API5: variants seen among roughly 807,000 people sequenced by gnomAD.
The protein encoded by API5 is apoptosis inhibitor 5.
Under a neutral mutation model 71.9 loss-of-function variants are expected in API5, and 6 were observed. The ratio of observed to expected loss-of-function variants is 0.08; its 90% CI spans 0.05 to 0.16. The LOEUF is 0.16. Among genes scored for constraint, API5 ranks in the 10% least tolerant of loss-of-function variants. The pLI is 1.00. For synonymous variants in API5, 189 were observed against 221.3 expected (o/e 0.85, Z 1.30); for missense variants, 332 against 612.8 (o/e 0.54, Z 4.84).
At chr11:43,322,513 G>C (rs1184160641) in intron 5 of API5, among the ~76,000 whole-genome samples, 1 of 152,010 alleles carries the variant, frequency 6.6e-6, no homozygotes, top group Non-Finnish European at 1.5e-5. Flanking sequence ...ACATCAAAAT[G>C]ACCTGTTGTC....
At chr11:43,322,167 C>G (rs1483550918) in intron 5 of API5, 31 bp downstream of exon 5, 18 of 1,565,352 alleles carry the variant, frequency 1.1e-5, no homozygotes, top group Non-Finnish European at 1.2e-5. Flanking sequence ...GGTGGAAATT[C>G]TCTAAAGCAA....
Position 43,335,879 on chromosome 11 carries a change from T to C in API5, c.1377T>C (p.Asp459=), listed in dbSNP as rs746135344. The change falls in exon 13 of 14, where the codon GAT becomes GAC. Residue 459 remains aspartate, a synonymous_variant. Coordinates refer to ENST00000531273, the MANE Select transcript of API5 (RefSeq NM_001142930.2). The part of the protein sequence containing the change: ...VEIGQKRASE[D]TTSGSPPKKS... The stretch of plus-strand genomic sequence containing the variant: ...ACAGGCAAAAGAGAGCCAGTGAAGA[T>C]ACAACTTCAGGTTCACCACCCAAGA... 14 of 1,611,174 alleles carry C rather than the reference T, an allele frequency of 8.7e-6. No homozygotes were observed. In the African/African-American group the frequency reaches 1.3e-4, roughly 15 times the overall value.
rs1854850629 is a variant in API5, at chr11:43,320,726, G to A, written c.232-95G>A. On this transcript the variant is annotated intron_variant, in intron 2 of 13. Coordinates refer to ENST00000531273, the MANE Select transcript of API5 (RefSeq NM_001142930.2). ...AACCTGGGCAACAGAGCAATACCTT[G>A]TCTTTAAAAAAAAAAAAAAGAAAGA... 7.3e-6 allele frequency: 8 copies of A among 1,088,680 alleles called. No individual in the cohort carries two copies. The South Asian group carries it at 8.5e-5, about 12-fold the overall frequency. The allele number at this position is 1,088,680 out of a possible 1,614,324, so 67.4% of individuals were successfully genotyped here.
intron 11 of API5, among the ~76,000 whole-genome samples, chr11:43,333,352 A>G (rs540726917): frequency 2.0e-4 from 30 of 152,316 alleles, no homozygotes; most frequent in African/African-American, 6.5e-4. Context: ...ATTTAGGTAT[A>G]AAGTGTGAGA....
chr11:43,317,104 G>A (rs1854699421), intron 1 of API5, among the ~76,000 whole-genome samples: 1 of 152,148 alleles, frequency 6.6e-6, no homozygotes, highest in Admixed American at 6.5e-5. Context: ...GTAAGCTCAT[G>A]TGTCTAAAGC....
rs144956024 is a variant in API5, at chr11:43,314,909, A to G, written c.69+2713A>G. Reference sequence around the variant, plus strand: ...CAAAAGCCACCTTAGTAGAGAGGACACCATTTCACTTGTTTTTAAGGAGAG... The same window carrying G: ...CAAAAGCCACCTTAGTAGAGAGGACGCCATTTCACTTGTTTTTAAGGAGAG... On this transcript the variant is annotated intron_variant, in intron 1 of 13. Coordinates refer to ENST00000531273, the MANE Select transcript of API5 (RefSeq NM_001142930.2). 9.7e-4 allele frequency among the ~76,000 whole-genome samples: 148 copies of G among 152,330 alleles called. 1 individual carries two copies. Among genetic ancestry groups the G allele is most frequent in the African/African-American group, 3.4e-3 (143 of 41,584 alleles).
At chr11:43,330,669 A>G (rs1855221277) in intron 11 of API5, 105 bp downstream of exon 11, 12 of 875,612 alleles carry the variant, frequency 1.4e-5, no homozygotes, top group Middle Eastern at 3.0e-4. Context: ...GAGGCATGCA[A>G]ACTTCTTCTG....
intron 11 of API5, among the ~76,000 whole-genome samples, chr11:43,333,764 ACT>A (rs1225082965): frequency 1.3e-5 from 2 of 151,884 alleles, no homozygotes; most frequent in Non-Finnish European, 1.5e-5. Context: ...TAAAGAGTAG[ACT>A]CTGGTTCATG....
In API5 at chr11:43,343,964, A is replaced by C. The variant is rs1291436922; in HGVS notation, c.*1454A>C. On this transcript the variant is annotated 3_prime_UTR_variant, in exon 14 of 14. Coordinates refer to ENST00000531273, the MANE Select transcript of API5 (RefSeq NM_001142930.2). The stretch of plus-strand genomic sequence containing the variant: ...AAAACTCCTTTATTAGAATTACTGC[A>C]CATGTGTATGGGGAAAATAGTTCTG... 6.6e-6 allele frequency: 1 copy of C among 152,658 alleles called. No individual in the cohort carries two copies. The allele number at this position is 152,658 out of a possible 1,614,324, so 9.5% of individuals were successfully genotyped here.
chr11:43,324,284 C>T (rs1234073483), intron 6 of API5, among the ~76,000 whole-genome samples: 1 of 152,176 alleles, frequency 6.6e-6, no homozygotes, highest in African/African-American at 2.4e-5. Context: ...TCCCAAAGTG[C>T]TGGGATTACA....
intron 11 of API5, chr11:43,331,982 A>C (rs1855274179): frequency 6.6e-6 from 1 of 152,230 alleles, no homozygotes; most frequent in Admixed American, 6.5e-5. Context: ...CGCTGATACA[A>C]GTCTATGTTG....
intron 7 of API5, 65 bp downstream of exon 7, chr11:43,326,676 A>G: frequency 7.8e-6 from 7 of 903,014 alleles, no homozygotes; most frequent in Admixed American, 2.0e-5. Context: ...AATGTAAACC[A>G]CTAACTTAGA....
intron 13 of API5, chr11:43,336,200 A>G (rs1184415877): frequency 3.7e-6 from 2 of 547,276 alleles, no homozygotes; most frequent in Non-Finnish European, 5.9e-6. Flanking sequence ...TGAACATGCA[A>G]CATTAAACAG....
At chr11:43,322,887 T>G (rs185799129) in intron 5 of API5, among the ~76,000 whole-genome samples, 43 of 152,334 alleles carry the variant, frequency 2.8e-4, no homozygotes, top group Non-Finnish European at 2.9e-5. Context: ...GTCGTGATTG[T>G]GAGCTTTTTT....
chr11:43,321,326 A>T, intron 3 of API5, 85 bp from the exon 4 acceptor site: 1 of 1,149,966 alleles, frequency 8.7e-7, no homozygotes, highest in Non-Finnish European at 1.3e-6. Context: ...AACCTTGAGA[A>T]ACTAAGTTGA....
chr11:43,331,127 A>C (rs1381804065), intron 11 of API5: 1 of 152,896 alleles, frequency 6.5e-6, no homozygotes, highest in East Asian at 1.9e-4. Flanking sequence ...CCTGCCAGTA[A>C]CAAAAATTGG....
rs1855384700 is a variant in API5 at position 43,335,056 on chromosome 11, G to GA, written c.1279-215dup. 2.6e-5 allele frequency among the ~76,000 whole-genome samples: 4 copies of GA among 152,082 alleles called. No homozygotes were observed. The South Asian group carries it at 8.3e-4, about 31-fold the overall frequency. On this transcript the variant is annotated intron_variant, in intron 11 of 13. Coordinates refer to ENST00000531273, the MANE Select transcript of API5 (RefSeq NM_001142930.2). ...ATCCTGAAATGTATACTGACATTTA[G>GA]AAAAAAATTAGCTACACTACAGTTT...
At chr11:43,335,203 C>G (rs1396367295) in intron 11 of API5, 75 bp from the exon 12 acceptor site, 32 of 1,006,696 alleles carry the variant, frequency 3.2e-5, no homozygotes, top group Non-Finnish European at 7.8e-6. Context: ...GATCTGTCTT[C>G]GTTTCCTACC....
At chr11:43,315,035 G>T (rs924293610) in intron 1 of API5, among the ~76,000 whole-genome samples, 55 of 152,236 alleles carry the variant, frequency 3.6e-4, no homozygotes, top group African/African-American at 1.3e-3. Flanking sequence ...TACCTGTCTG[G>T]ATACTTCTGA....
Sources: allele counts gnomAD v4.1 joint callset (sites outside exome capture counted in the v4.1 genomes callset), GRCh38; gene constraint gnomAD v4.1.1; transcripts MANE v1.5; gene names NCBI Gene and HGNC (gene_info 2026-07-23, HGNC 2026-07-21).